The following USP10 variants were observed in gnomAD, a reference collection of about 807,000 sequenced individuals.
USP10 encodes the protein ubiquitin carboxyl-terminal hydrolase 10.
A neutral mutation model predicts 84.5 loss-of-function variants in USP10; 22 were observed. The observed-to-expected ratio is 0.26, with a 90% confidence interval of 0.19 to 0.37. The LOEUF (loss-of-function observed/expected upper bound fraction) is 0.37, where lower values mean the gene tolerates loss of function less well. USP10 is among the 10% of genes least tolerant of loss of function. The pLI is 1.00. For synonymous variants in USP10, 454 were observed against 387.6 expected (o/e 1.17, Z -2.01); for missense variants, 1,019 against 998.9 (o/e 1.02, Z -0.27).
At chr16:84,775,937 C>G (rs1914966783) in intron 13 of USP10, among the ~76,000 whole-genome samples, 1 of 152,056 alleles carries the variant, frequency 6.6e-6, no homozygotes, top group South Asian at 2.1e-4. Flanking sequence ...CTGTTTGCCG[C>G]ACTTTTGTTT....
At chr16:84,706,282 TAGA>T (rs1387077574) in intron 1 of USP10, among the ~76,000 whole-genome samples, 1 of 152,130 alleles carries the variant, frequency 6.6e-6, no homozygotes, top group Admixed American at 6.6e-5. Context: ...AGTTCAATTC[TAGA>T]GGTTTTCGAG....
intron 1 of USP10, 144 bp downstream of exon 1, chr16:84,700,255 C>G: frequency 1.6e-6 from 1 of 644,626 alleles, no homozygotes; most frequent in Non-Finnish European, 2.0e-6. Flanking sequence ...GGGCCTAGGC[C>G]GGAGCCACCC....
At chr16:84,747,034 G>T (rs1315774270) in intron 4 of USP10, among the ~76,000 whole-genome samples, 1 of 152,150 alleles carries the variant, frequency 6.6e-6, no homozygotes, top group Admixed American at 6.5e-5. Context: ...GCATCAAGAC[G>T]CCACTAGGCG....
intron 1 of USP10, among the ~76,000 whole-genome samples, chr16:84,711,238 C>CA (rs1906248922): frequency 6.6e-6 from 1 of 151,926 alleles, no homozygotes; most frequent in Non-Finnish European, 1.5e-5. Flanking sequence ...TTATAAGTTG[C>CA]AAAAAAACAT....
intron 13 of USP10, 69 bp from the exon 14 acceptor site, chr16:84,778,826 C>T (rs911016445): frequency 1.6e-5 from 23 of 1,465,132 alleles, no homozygotes; most frequent in African/African-American, 2.8e-5. Context: ...GGAGGGAAGT[C>T]GGCGGAGACC....
At chr16:84,716,512 G>A (rs1001954332) in intron 1 of USP10, 1 of 152,202 alleles carries the variant, frequency 6.6e-6, no homozygotes. Flanking sequence ...CATTCACAGA[G>A]ACATAGGTAA....
At chr16:84,761,490 T>G (rs1203677947) in intron 8 of USP10, among the ~76,000 whole-genome samples, 2 of 152,170 alleles carry the variant, frequency 1.3e-5, no homozygotes, top group Non-Finnish European at 2.9e-5. Flanking sequence ...AAAGGACAGG[T>G]GAGGCAGGGC....
chr16:84,749,079 C>T (rs934491715), intron 4 of USP10, among the ~76,000 whole-genome samples: 6 of 151,548 alleles, frequency 4.0e-5, no homozygotes, highest in African/African-American at 1.2e-4. Flanking sequence ...TCAGGAGTCT[C>T]GTGAGATAGT....
In USP10 at chr16:84,759,160, TG is replaced by T. The variant is rs1912912065; in HGVS notation, c.1285-202del. Reference sequence around the variant, plus strand: ...AAGTTCTTGAATACAAACGACTGACTGCTTCGTAGATCCTTATATGGACATC... The same window carrying T: ...AAGTTCTTGAATACAAACGACTGACTCTTCGTAGATCCTTATATGGACATC... On this transcript the variant is annotated intron_variant, in intron 5 of 13. Coordinates refer to ENST00000219473, the MANE Select transcript of USP10 (RefSeq NM_005153.3). 6 of 606,276 alleles carry T rather than the reference TG, an allele frequency of 9.9e-6. No homozygotes were observed. In the East Asian group the frequency reaches 1.7e-4, roughly 17 times the overall value. The allele number at this position is 606,276 out of a possible 1,614,324, so 37.6% of individuals were successfully genotyped here.
intron 3 of USP10, among the ~76,000 whole-genome samples, chr16:84,741,442 C>T (rs996828291): frequency 3.3e-5 from 5 of 152,212 alleles, no homozygotes; most frequent in African/African-American, 1.2e-4. Context: ...GTGCTTTGCA[C>T]GTGGTGAGCA....
At chr16:84,744,595 G>C (rs547344138) in intron 3 of USP10, 38 bp from the exon 4 acceptor site, 2 of 1,528,378 alleles carry the variant, frequency 1.3e-6, no homozygotes, top group East Asian at 2.3e-5. Context: ...AGAGTTTGTA[G>C]AACTGGGTTC....
At chr16:84,733,072 G>A (rs756314264) in intron 1 of USP10, 22 of 460,276 alleles carry the variant, frequency 4.8e-5, no homozygotes, top group Non-Finnish European at 9.6e-5. Context: ...CAGAGAAAGC[G>A]GAAATGGAGG....
chr16:84,737,438 C>T (rs1910079767), intron 2 of USP10, among the ~76,000 whole-genome samples: 1 of 152,152 alleles, frequency 6.6e-6, no homozygotes, highest in Non-Finnish European at 1.5e-5. Context: ...ATTTAGATAC[C>T]CAGTTACCAC....
intron 2 of USP10, among the ~76,000 whole-genome samples, chr16:84,734,323 G>A (rs1317010746): frequency 6.6e-6 from 1 of 152,084 alleles, no homozygotes; most frequent in Non-Finnish European, 1.5e-5. Flanking sequence ...TGAATCTGAT[G>A]TGTGTAGTAA....
chr16:84,723,126 A>C (rs1908023148), intron 1 of USP10, among the ~76,000 whole-genome samples: 1 of 149,540 alleles, frequency 6.7e-6, no homozygotes, highest in African/African-American at 2.5e-5. Context: ...CGGCTCCGAT[A>C]CCTTCTGATC....
intron 1 of USP10, among the ~76,000 whole-genome samples, chr16:84,726,354 G>A (rs1185881289): frequency 3.9e-5 from 6 of 152,210 alleles, no homozygotes. Flanking sequence ...GCCTTCCTTG[G>A]GCTGAGATGG....
At chr16:84,720,888 G>A (rs1161332456) in intron 1 of USP10, among the ~76,000 whole-genome samples, 1 of 138,326 alleles carries the variant, frequency 7.2e-6, no homozygotes, top group African/African-American at 2.7e-5. Context: ...GGCCAATGAT[G>A]CACAATTTTT....
At chr16:84,709,631 G>T (rs1177304733) in intron 1 of USP10, among the ~76,000 whole-genome samples, 1 of 152,136 alleles carries the variant, frequency 6.6e-6, no homozygotes, top group Non-Finnish European at 1.5e-5. Context: ...GGAGGGTGCC[G>T]TGGAGGTGGA....
intron 2 of USP10, among the ~76,000 whole-genome samples, chr16:84,739,100 C>T (rs1910303244): frequency 6.7e-6 from 1 of 149,150 alleles, no homozygotes; most frequent in Admixed American, 6.8e-5. Flanking sequence ...GTGCTGTTGC[C>T]CAGGCTGGAG....
Sources: gnomAD v4.1 joint callset for allele counts (sites outside exome capture counted in the v4.1 genomes callset) on GRCh38, gnomAD v4.1.1 for gene constraint, MANE v1.5 for transcripts, NCBI Gene and HGNC (gene_info 2026-07-23, HGNC 2026-07-21) for gene names.